Variants in CFDP1 observed in about 807,000 individuals in gnomAD.
CFDP1 encodes the protein heterochromatin-stabilizing protein CFDP1.
In CFDP1, 31 loss-of-function variants were observed where a neutral mutation model predicts 40.1. The ratio of observed to expected loss-of-function variants is 0.77; its 90% CI spans 0.58 to 1.04. The LOEUF is 1.04. Among genes scored for constraint, CFDP1 ranks in the 50% least tolerant of loss-of-function variants. The pLI is 0.00. For synonymous variants in CFDP1, 167 were observed against 120.0 expected, an observed-to-expected ratio of 1.39 and a Z score of -2.56; for missense variants, 423 against 343.4, an observed-to-expected ratio of 1.23 and a Z score of -1.83.
At chr16:75,295,814 G>A (rs1406494073) in intron 6 of CFDP1, among the ~76,000 whole-genome samples, 2 of 152,188 alleles carry the variant, frequency 1.3e-5, no homozygotes, top group Admixed American at 1.3e-4. Context: ...AGACAGCATG[G>A]ACCCCTTTAG....
At chr16:75,375,595 C>T (rs2078786301) in intron 5 of CFDP1, among the ~76,000 whole-genome samples, 1 of 152,030 alleles carries the variant, frequency 6.6e-6, no homozygotes, top group Non-Finnish European at 1.5e-5. Context: ...AGTTCAAGAC[C>T]ACTCTGACTA....
At chr16:75,404,225 G>A (rs1176801219) in intron 4 of CFDP1, among the ~76,000 whole-genome samples, 1 of 151,650 alleles carries the variant, frequency 6.6e-6, no homozygotes, top group East Asian at 1.9e-4. Context: ...AATTCTGGAA[G>A]GTACTGTCAT....
chr16:75,295,860 G>A (rs929153273), intron 6 of CFDP1, among the ~76,000 whole-genome samples: 5 of 152,324 alleles, frequency 3.3e-5, no homozygotes, highest in African/African-American at 1.2e-4. Context: ...GTAGGGAAGT[G>A]TAGACATCTA....
At chr16:75,378,337 C>T (rs1054341196) in intron 5 of CFDP1, among the ~76,000 whole-genome samples, 1 of 151,988 alleles carries the variant, frequency 6.6e-6, no homozygotes, top group Non-Finnish European at 1.5e-5. Flanking sequence ...TCATTCCAAT[C>T]ATATAACAGA....
intron 5 of CFDP1, among the ~76,000 whole-genome samples, chr16:75,326,533 T>C (rs750817087): frequency 6.6e-6 from 1 of 152,240 alleles, no homozygotes; most frequent in Non-Finnish European, 1.5e-5. Context: ...AAGAGAATTA[T>C]GCAGACACAA....
chr16:75,389,947 G>C (rs1042804286), intron 5 of CFDP1, among the ~76,000 whole-genome samples: 9 of 152,186 alleles, frequency 5.9e-5, no homozygotes, highest in African/African-American at 1.9e-4. Flanking sequence ...AGTCATTCTG[G>C]ATCTACTCAG....
chr16:75,340,228 G>A (rs1189428679), intron 5 of CFDP1, among the ~76,000 whole-genome samples: 3 of 152,080 alleles, frequency 2.0e-5, no homozygotes, highest in Non-Finnish European at 2.9e-5. Flanking sequence ...CAGAGGTATC[G>A]ACAACAACCC....
chr16:75,375,726 G>A (rs2078787725), intron 5 of CFDP1, among the ~76,000 whole-genome samples: 1 of 151,688 alleles, frequency 6.6e-6, no homozygotes, highest in African/African-American at 2.4e-5. Context: ...CAGAGGTGGA[G>A]GTTGCAGTGA....
At chr16:75,295,576 G>C (rs2078176438) in intron 6 of CFDP1, among the ~76,000 whole-genome samples, 1 of 152,178 alleles carries the variant, frequency 6.6e-6, no homozygotes, top group African/African-American at 2.4e-5. Context: ...CCCAAGTCTG[G>C]ACTTATGGTT....
chr16:75,303,545 T>C (rs2078237900), intron 6 of CFDP1, among the ~76,000 whole-genome samples: 2 of 139,692 alleles, frequency 1.4e-5, no homozygotes, highest in Non-Finnish European at 3.1e-5. Context: ...ATAAACTGAA[T>C]GAGCTGGGTG....
chr16:75,311,626 A>T (rs1391502441), intron 5 of CFDP1, among the ~76,000 whole-genome samples: 1 of 152,244 alleles, frequency 6.6e-6, no homozygotes, highest in African/African-American at 2.4e-5. Flanking sequence ...CAACACGTGA[A>T]GGCTGGATTA....
At chr16:75,375,919 T>A (rs1041405255) in intron 5 of CFDP1, among the ~76,000 whole-genome samples, 6 of 152,200 alleles carry the variant, frequency 3.9e-5, no homozygotes, top group African/African-American at 9.6e-5. Context: ...TGGCAGTTTC[T>A]TATAACATTA....
chr16:75,414,781 C>G, intron 1 of CFDP1, 86 bp from the exon 2 acceptor site: 2 of 833,614 alleles, frequency 2.4e-6, no homozygotes, highest in South Asian at 1.6e-5. Context: ...GCTTTCACAC[C>G]GAGACATTTT....
chr16:75,307,927 G>A (rs557459016), intron 5 of CFDP1, among the ~76,000 whole-genome samples: 11 of 152,232 alleles, frequency 7.2e-5, no homozygotes, highest in Admixed American at 6.5e-4. Flanking sequence ...TGTCCCTGGT[G>A]GTATTTCTAT....
chr16:75,430,033 G>C (rs2079391424), intron 1 of CFDP1, among the ~76,000 whole-genome samples: 1 of 152,182 alleles, frequency 6.6e-6, no homozygotes. Flanking sequence ...CATTAAGACA[G>C]GACAACTCGG....
chr16:75,398,224 A>G (rs1235074651), intron 4 of CFDP1, among the ~76,000 whole-genome samples: 2 of 152,370 alleles, frequency 1.3e-5, no homozygotes, highest in Middle Eastern at 3.4e-3. Context: ...TGACACATTT[A>G]CATTTTGTGA....
chr16:75,377,861 GACTGTTTAGCTC>G (rs1283169658), intron 5 of CFDP1, among the ~76,000 whole-genome samples: 1 of 152,242 alleles, frequency 6.6e-6, no homozygotes, highest in Non-Finnish European at 1.5e-5. Context: ...CTGAGTGGCA[GACTGTTTAGCTC>G]ACATTCCTGT....
Position 75,366,090 on chromosome 16 carries a change from T to C in CFDP1, c.650+29000A>G, listed in dbSNP as rs181021773. Among the ~76,000 whole-genome samples, 104 of 152,352 alleles carry C rather than the reference T, an allele frequency of 6.8e-4. 1 individual carries two copies. The highest frequency in any genetic ancestry group is 2.5e-3 in the African/African-American group (104 of 41,582). ...TAAAGACCTGTACACAAAATGTTCA[T>C]AGCAGCATTATTTAAAAAGCCAAAA... On this transcript the variant is annotated intron_variant, in intron 5 of 6. Transcript: ENST00000283882.
intron 5 of CFDP1, among the ~76,000 whole-genome samples, chr16:75,321,258 C>T (rs988211008): frequency 6.6e-6 from 1 of 152,192 alleles, no homozygotes; most frequent in Non-Finnish European, 1.5e-5. Context: ...AGCCACAGTG[C>T]CCAGCCTGGC....
Sources: allele counts gnomAD v4.1 joint callset (sites outside exome capture counted in the v4.1 genomes callset), GRCh38; gene constraint gnomAD v4.1.1; transcripts MANE v1.5; gene names NCBI Gene and HGNC (gene_info 2026-07-23, HGNC 2026-07-21).